Variants in LMO7 observed in about 807,000 individuals in gnomAD.
The protein encoded by LMO7 is LIM domain only protein 7.
In LMO7, 120 loss-of-function variants were observed where a neutral mutation model predicts 206.5. The ratio of observed to expected loss-of-function variants is 0.58; its 90% CI spans 0.50 to 0.68. The LOEUF (loss-of-function observed/expected upper bound fraction) is 0.68. LMO7 is among the 30% of genes least tolerant of loss of function. The pLI is 0.00. For missense variants in LMO7, 1,959 were observed against 1,957.9 expected, an observed-to-expected ratio of 1.00 and a Z score of -0.01; for synonymous variants, 706 against 681.5, an observed-to-expected ratio of 1.04 and a Z score of -0.56.
intron 3 of LMO7, among the ~76,000 whole-genome samples, chr13:75,751,414 C>T (rs943689962): frequency 6.6e-6 from 1 of 152,086 alleles, no homozygotes; most frequent in African/African-American, 2.4e-5. Flanking sequence ...TCCCGCTCAG[C>T]CTCCCAAAGT....
At chr13:75,781,263 G>A (rs1224054685) in intron 4 of LMO7, among the ~76,000 whole-genome samples, 8 of 130,364 alleles carry the variant, frequency 6.1e-5, no homozygotes, top group African/African-American at 2.3e-4. Flanking sequence ...ATCTCCCAAT[G>A]CTATCCCTCC....
At chr13:75,731,077 G>C (rs1267154113) in intron 3 of LMO7, among the ~76,000 whole-genome samples, 1 of 151,826 alleles carries the variant, frequency 6.6e-6, no homozygotes, top group Non-Finnish European at 1.5e-5. Flanking sequence ...AATAGGTGTG[G>C]TGTGGTGCTG....
intron 4 of LMO7, among the ~76,000 whole-genome samples, chr13:75,767,341 T>C (rs2049034907): frequency 6.6e-6 from 1 of 152,004 alleles, no homozygotes; most frequent in Admixed American, 6.6e-5. Context: ...TAGAAAAACA[T>C]GGTGGTTATA....
At chr13:75,826,664 T>C (rs2058140054) in intron 15 of LMO7, among the ~76,000 whole-genome samples, 1 of 152,142 alleles carries the variant, frequency 6.6e-6, no homozygotes, top group African/African-American at 2.4e-5. Flanking sequence ...ACAGCAGCCC[T>C]GTGAGGTAAT....
chr13:75,721,308 T>C (rs2043998218), intron 2 of LMO7, among the ~76,000 whole-genome samples: 1 of 152,210 alleles, frequency 6.6e-6, no homozygotes, highest in Admixed American at 6.5e-5. Flanking sequence ...CATTAAAAAC[T>C]GGGCAGTGGA....
Position 75,665,774 on chromosome 13 carries a change from G to A in LMO7, c.69+29048G>A, listed in dbSNP as rs536365297. Reference sequence around the variant, plus strand: ...ACTCCTGACCTCAGGTGATCTGGCCGCCTTGGCCTCCCAAAGTGCTGGGAT... The same window carrying A: ...ACTCCTGACCTCAGGTGATCTGGCCACCTTGGCCTCCCAAAGTGCTGGGAT... On this transcript the variant is annotated intron_variant, in intron 1 of 30. Coordinates refer to ENST00000377534, the MANE Select transcript of LMO7 (RefSeq NM_001306080.2). Among the ~76,000 whole-genome samples the A allele has an allele frequency of 6.3e-4, 96 of 152,270 alleles. 1 individual carries two copies. Among genetic ancestry groups the A allele is most frequent in the African/African-American group, 2.2e-3 (92 of 41,556 alleles).
chr13:75,805,260 T>G, intron 8 of LMO7: 1 of 1,022,092 alleles, frequency 9.8e-7, no homozygotes, highest in Non-Finnish European at 1.3e-6. Flanking sequence ...ACACAGCTTC[T>G]AATGAAGTAT....
chr13:75,852,521 G>A (rs1595545553), intron 27 of LMO7, among the ~76,000 whole-genome samples: 1 of 152,278 alleles, frequency 6.6e-6, no homozygotes, highest in Admixed American at 6.5e-5. Context: ...TTAAAAAAAA[G>A]AAGGTTGATT....
chr13:75,636,386 G>C lies in LMO7; in HGVS notation c.-272G>C. On this transcript the variant is annotated 5_prime_UTR_variant, in exon 1 of 31. Transcript: ENST00000377534. ...CCGCTGGGCACCCGCTTCGCTTCCC[G>C]CGTCCTGCCTGACTGCCCGGGTCCC... 1 of 1,285,994 alleles carries C rather than the reference G, an allele frequency of 7.8e-7. No homozygotes were observed. Among genetic ancestry groups the C allele is most frequent in the Non-Finnish European group, 9.8e-7 (1 of 1,015,554 alleles). The allele number at this position is 1,285,994 out of a possible 1,614,324, so 79.7% of individuals were successfully genotyped here.
chr13:75,716,197 C>T (rs1300508169), intron 2 of LMO7, among the ~76,000 whole-genome samples: 1 of 152,112 alleles, frequency 6.6e-6, no homozygotes, highest in African/African-American at 2.4e-5. Context: ...AGTACTCTTT[C>T]CTTTTGAACT....
chr13:75,827,038 C>G (rs1595352769), intron 15 of LMO7, among the ~76,000 whole-genome samples: 2 of 152,142 alleles, frequency 1.3e-5, no homozygotes, highest in Non-Finnish European at 2.9e-5. Context: ...GATGTCACCC[C>G]TCCCCCATTG....
At chr13:75,754,148 A>G (rs1304398702) in intron 3 of LMO7, among the ~76,000 whole-genome samples, 4 of 152,238 alleles carry the variant, frequency 2.6e-5, no homozygotes, top group African/African-American at 9.6e-5. Context: ...TAATATTTCA[A>G]AGTAAAACCT....
chr13:75,649,973 A>G (rs1165783007), intron 1 of LMO7, among the ~76,000 whole-genome samples: 3 of 152,106 alleles, frequency 2.0e-5, no homozygotes, highest in African/African-American at 7.2e-5. Flanking sequence ...TTTAGTTCAC[A>G]ATACTTTAGT....
At chr13:75,838,386 G>A in intron 20 of LMO7, 190 bp downstream of exon 20, 2 of 1,413,018 alleles carry the variant, frequency 1.4e-6, no homozygotes, top group Non-Finnish European at 1.9e-6. Flanking sequence ...GTCTACCTCT[G>A]TGGTAATGGG....
At chr13:75,727,691 T>C (rs1268991984) in intron 3 of LMO7, among the ~76,000 whole-genome samples, 5 of 152,046 alleles carry the variant, frequency 3.3e-5, no homozygotes, top group Admixed American at 2.0e-4. Context: ...TAGTTACATA[T>C]GTATACATGT....
At chr13:75,754,880 A>G (rs1233649878) in intron 3 of LMO7, among the ~76,000 whole-genome samples, 1 of 152,244 alleles carries the variant, frequency 6.6e-6, no homozygotes, top group Non-Finnish European at 1.5e-5. Flanking sequence ...TATTCTCATT[A>G]ACACTCTTTT....
chr13:75,643,020 T>G (rs1008826120), intron 1 of LMO7, among the ~76,000 whole-genome samples: 13 of 152,240 alleles, frequency 8.5e-5, no homozygotes, highest in Non-Finnish European at 1.5e-4. Context: ...TGGTGTTTCT[T>G]AAGCCATTTG....
At chr13:75,852,528 GA>G (rs1241450383) in intron 27 of LMO7, among the ~76,000 whole-genome samples, 1 of 152,180 alleles carries the variant, frequency 6.6e-6, no homozygotes, top group African/African-American at 2.4e-5. Context: ...AAAGAAGGTT[GA>G]TTGACTATGA....
intron 17 of LMO7, 93 bp from the exon 18 acceptor site, chr13:75,835,140 T>C (rs1172844044): frequency 5.8e-6 from 9 of 1,550,672 alleles, no homozygotes; most frequent in Non-Finnish European, 7.8e-6. Context: ...TTGATCTTCA[T>C]GTGCCAATCA....
Sources: allele counts gnomAD v4.1 joint callset (sites outside exome capture counted in the v4.1 genomes callset), GRCh38; gene constraint gnomAD v4.1.1; transcripts MANE v1.5; gene names NCBI Gene and HGNC (gene_info 2026-07-23, HGNC 2026-07-21).